The following TENM2 variants were observed in gnomAD, a reference collection of about 807,000 sequenced individuals.
TENM2 encodes the protein teneurin-2.
In TENM2, 52 loss-of-function variants were observed where a neutral mutation model predicts 245.2. The ratio of observed to expected loss-of-function variants is 0.21; its 90% CI spans 0.17 to 0.27. The LOEUF (loss-of-function observed/expected upper bound fraction) is 0.27, where lower values mean the gene tolerates loss of function less well. TENM2 is among the 10% of genes least tolerant of loss of function. TENM2 has a pLI of 1.00. For synonymous variants in TENM2, 1,363 were observed against 1,438.9 expected (o/e 0.95, Z 1.19); for missense variants, 3,046 against 3,666.8 (o/e 0.83, Z 4.37).
At chr5:167,821,019 G>C (rs1767479094) in intron 2 of TENM2, 1 of 152,170 alleles carries the variant, frequency 6.6e-6, no homozygotes, top group Admixed American at 6.5e-5. Flanking sequence ...GGCCATAAAT[G>C]ATAGAAGTGA....
intron 2 of TENM2, among the ~76,000 whole-genome samples, chr5:167,437,703 C>T (rs769915046): frequency 2.5e-4 from 38 of 151,998 alleles, no homozygotes; most frequent in Admixed American, 1.7e-3. Context: ...ATTACGGCTG[C>T]GGGTCTTTCC....
At chr5:167,049,936 T>C in the TENM2 span, among the ~76,000 whole-genome samples, 1 of 152,172 alleles carries the variant, frequency 6.6e-6, no homozygotes, top group Non-Finnish European at 1.5e-5. Context: ...ATCTGTTGTG[T>C]CAAAATAACA....
At chr5:166,994,411 T>C in the TENM2 span, among the ~76,000 whole-genome samples, 3 of 152,190 alleles carry the variant, frequency 2.0e-5, no homozygotes, top group African/African-American at 7.2e-5. Context: ...GATTCTCATT[T>C]GTTTGGGGCT....
chr5:167,458,900 C>T (rs1170685139), intron 2 of TENM2, among the ~76,000 whole-genome samples: 5 of 152,240 alleles, frequency 3.3e-5, no homozygotes, highest in Admixed American at 6.5e-5. Flanking sequence ...TTCCAGAATC[C>T]GTCTTCTTAT....
intron 13 of TENM2, among the ~76,000 whole-genome samples, chr5:168,174,472 GTCA>G (rs1759155461): frequency 1.3e-5 from 2 of 152,166 alleles, no homozygotes; most frequent in South Asian, 4.1e-4. Context: ...CATCTTATAC[GTCA>G]GTGAGCATCA....
chr5:167,861,413 A>G (rs1024289081), intron 2 of TENM2, among the ~76,000 whole-genome samples: 6 of 152,192 alleles, frequency 3.9e-5, no homozygotes, highest in African/African-American at 1.4e-4. Context: ...GGTAGTGGAA[A>G]TGACAAACGT....
At chr5:167,359,850 A>T (rs1031606656) in intron 1 of TENM2, among the ~76,000 whole-genome samples, 1 of 152,222 alleles carries the variant, frequency 6.6e-6, no homozygotes, top group African/African-American at 2.4e-5. Flanking sequence ...AAGGAATGAG[A>T]TCATATGAGC....
intron 2 of TENM2, among the ~76,000 whole-genome samples, chr5:167,437,076 C>T (rs1764605860): frequency 6.6e-6 from 1 of 152,150 alleles, no homozygotes; most frequent in Non-Finnish European, 1.5e-5. Context: ...ATCCTCCAGA[C>T]CCCAGAATGG....
At chr5:167,497,980 ATCATT>A (rs1349575551) in intron 2 of TENM2, among the ~76,000 whole-genome samples, 1 of 152,112 alleles carries the variant, frequency 6.6e-6, no homozygotes, top group Non-Finnish European at 1.5e-5. Flanking sequence ...TATTTTTCAC[ATCATT>A]GGATCCTAAT....
At chr5:168,065,620 T>C (rs1790426907) in intron 7 of TENM2, among the ~76,000 whole-genome samples, 1 of 151,960 alleles carries the variant, frequency 6.6e-6, no homozygotes. Flanking sequence ...TATACAAATA[T>C]AGATTTTTTT....
intron 2 of TENM2, among the ~76,000 whole-genome samples, chr5:167,409,758 G>C (rs980639901): frequency 4.0e-5 from 6 of 151,710 alleles, no homozygotes; most frequent in Non-Finnish European, 8.9e-5. Flanking sequence ...TATTCAGGTA[G>C]GGGTGTGTGT....
the TENM2 span, among the ~76,000 whole-genome samples, chr5:166,996,707 T>G: frequency 2.0e-5 from 3 of 152,228 alleles, no homozygotes; most frequent in South Asian, 2.1e-4. Flanking sequence ...TTTTGGATTC[T>G]TAACTATGTG....
At chr5:167,999,358 C>G (rs533649545) in intron 5 of TENM2, among the ~76,000 whole-genome samples, 2 of 152,358 alleles carry the variant, frequency 1.3e-5, no homozygotes, top group East Asian at 1.9e-4. Context: ...GTCATATTAT[C>G]TATGCCAGTG....
the TENM2 span, among the ~76,000 whole-genome samples, chr5:167,058,399 A>G: frequency 6.6e-6 from 1 of 152,198 alleles, no homozygotes; most frequent in East Asian, 1.9e-4. Flanking sequence ...TGATAATTAA[A>G]ATATGTTAAT....
At chr5:167,929,130 AAAAGAAAGAAGGG>A (rs1365847572) in intron 3 of TENM2, among the ~76,000 whole-genome samples, 9 of 131,636 alleles carry the variant, frequency 6.8e-5, no homozygotes, top group South Asian at 5.4e-4. Context: ...AGAAAGAAAG[AAAAGAAAGAAGGG>A]AGGGAGGGAG....
the TENM2 span, among the ~76,000 whole-genome samples, chr5:167,157,450 G>C: frequency 3.9e-5 from 6 of 152,104 alleles, no homozygotes; most frequent in Non-Finnish European, 5.9e-5. Flanking sequence ...ATCATGAGGG[G>C]TATGGAAAGA....
intron 3 of TENM2, among the ~76,000 whole-genome samples, chr5:167,881,253 A>G (rs372007550): frequency 6.6e-6 from 1 of 152,230 alleles, no homozygotes; most frequent in East Asian, 1.9e-4. Flanking sequence ...TATTATGCAC[A>G]TTGATGATTG....
At chr5:167,005,655 GTTTTTTTT>G in the TENM2 span, among the ~76,000 whole-genome samples, 1 of 52,976 alleles carries the variant, frequency 1.9e-5, no homozygotes, top group African/African-American at 8.4e-5. Context: ...CTGTGTGTGG[GTTTTTTTT>G]TTTTTTTTTT....
At chr5:167,872,330 G>A (rs1384475814) in intron 2 of TENM2, among the ~76,000 whole-genome samples, 3 of 61,420 alleles carry the variant, frequency 4.9e-5, no homozygotes, top group African/African-American at 1.5e-4. Flanking sequence ...AAGAAAGAAA[G>A]AAAGAAAGAA....
Sources: allele counts gnomAD v4.1 joint callset (sites outside exome capture counted in the v4.1 genomes callset), GRCh38; gene constraint gnomAD v4.1.1; transcripts MANE v1.5; gene names NCBI Gene and HGNC (gene_info 2026-07-23, HGNC 2026-07-21).